Variants in MANBA observed in about 807,000 individuals in gnomAD.
The protein encoded by MANBA is mannosidase beta.
Under a neutral mutation model 111.1 loss-of-function variants are expected in MANBA, and 83 were observed. That is an observed-to-expected ratio of 0.75 (90% CI 0.63 to 0.90). The LOEUF (loss-of-function observed/expected upper bound fraction) is 0.90, where lower values mean the gene tolerates loss of function less well. Ranked by LOEUF, MANBA falls within the 40% of genes least tolerant of loss-of-function variation. The pLI is 0.00. For synonymous variants in MANBA, 370 were observed against 378.7 expected (o/e 0.98, Z 0.27); for missense variants, 1,036 against 1,069.0 (o/e 0.97, Z 0.43).
intron 16 of MANBA, chr4:102,633,484 G>T: frequency 2.5e-6 from 1 of 398,520 alleles, no homozygotes; most frequent in Non-Finnish European, 4.4e-6. Context: ...CTGGCTTCAG[G>T]GAGACAGGGA....
intron 1 of MANBA, chr4:102,728,461 T>C (rs1722895198): frequency 2.4e-6 from 1 of 410,228 alleles, no homozygotes; most frequent in South Asian, 1.9e-5. Flanking sequence ...ACTCTTTGTA[T>C]GGTTTTTCGG....
At chr4:102,752,680 A>C in intron 1 of MANBA, 2 of 503,804 alleles carry the variant, frequency 4.0e-6, no homozygotes, top group Non-Finnish European at 8.0e-6. Context: ...TCTTTATACA[A>C]ATGAACTTGG....
intron 1 of MANBA, among the ~76,000 whole-genome samples, chr4:102,732,010 C>T (rs987595653): frequency 1.3e-5 from 2 of 152,012 alleles, no homozygotes; most frequent in Non-Finnish European, 2.9e-5. Context: ...CAGGTTCAAG[C>T]GATTCTCCTG....
chr4:102,724,096 C>T, intron 2 of MANBA, 129 bp from the exon 3 acceptor site: 4 of 651,628 alleles, frequency 6.1e-6, no homozygotes, highest in Non-Finnish European at 1.1e-5. Flanking sequence ...AAGGCAGTTT[C>T]CAGTGACATT....
At chr4:102,690,498 T>C (rs1398497223) in intron 6 of MANBA, 98 bp downstream of exon 6, 5 of 1,150,020 alleles carry the variant, frequency 4.3e-6, no homozygotes, top group South Asian at 3.9e-5. Context: ...GCAGAGAAAG[T>C]AGAATTTTCT....
rs904711750 is a variant in MANBA, at chr4:102,721,422, T to A, written c.549+1449A>T. 3.9e-5 allele frequency among the ~76,000 whole-genome samples: 6 copies of A among 152,286 alleles called. No homozygotes were observed. In the South Asian group the frequency reaches 1.0e-3, roughly 26 times the overall value. Reference sequence around the variant, plus strand: ...GATCCAACCATACTATTTCTGGGAATATATCCAAAAGAACTGAAAGAAGGG... The same window carrying A: ...GATCCAACCATACTATTTCTGGGAAAATATCCAAAAGAACTGAAAGAAGGG... On this transcript the variant is annotated intron_variant, in intron 4 of 16. Coordinates refer to ENST00000647097, the MANE Select transcript of MANBA (RefSeq NM_005908.4).
intron 11 of MANBA, chr4:102,662,768 AC>A (rs1029799998): frequency 1.3e-5 from 2 of 155,558 alleles, no homozygotes; most frequent in Non-Finnish European, 2.9e-5. Context: ...TGCCCCACAA[AC>A]GTTAATGTGG....
At chr4:102,680,334 T>C (rs990975649) in intron 7 of MANBA, among the ~76,000 whole-genome samples, 2 of 152,176 alleles carry the variant, frequency 1.3e-5, no homozygotes, top group Non-Finnish European at 2.9e-5. Flanking sequence ...CATCTAAAAC[T>C]ATACCAGAAA....
At chr4:102,703,342 T>C (rs981427537) in intron 5 of MANBA, among the ~76,000 whole-genome samples, 2 of 152,242 alleles carry the variant, frequency 1.3e-5, no homozygotes, top group Non-Finnish European at 2.9e-5. Context: ...GCTGTTCTTA[T>C]TCATTCCTGG....
intron 1 of MANBA, among the ~76,000 whole-genome samples, chr4:102,741,427 CCA>C (rs1723400292): frequency 6.6e-6 from 1 of 152,100 alleles, no homozygotes; most frequent in African/African-American, 2.4e-5. Flanking sequence ...TCCAGCAATC[CCA>C]CTACTGGGTA....
intron 12 of MANBA, among the ~76,000 whole-genome samples, chr4:102,655,200 C>T (rs780555730): frequency 1.4e-4 from 21 of 152,118 alleles, no homozygotes; most frequent in Non-Finnish European, 2.4e-4. Context: ...ATCCCATGTT[C>T]ATGCATCAGA....
At chr4:102,636,287 T>C (rs1310678085) in intron 14 of MANBA, among the ~76,000 whole-genome samples, 1 of 152,202 alleles carries the variant, frequency 6.6e-6, no homozygotes, top group African/African-American at 2.4e-5. Context: ...TAGAGTGTAC[T>C]TAAACAAACC....
rs1723839478 is a variant in MANBA, at chr4:102,752,334, T to C, written c.177+8384A>G. ...AACGTTTAGCATCTGGAAGCACAGA[T>C]AGGCATACCAGACTGTGGGATCCCC... On this transcript the variant is annotated intron_variant, in intron 1 of 16. Transcript: ENST00000647097. 19 of 1,361,866 alleles carry C rather than the reference T, an allele frequency of 1.4e-5. No individual in the cohort carries two copies. In the South Asian group the frequency reaches 1.7e-4, roughly 13 times the overall value. 84.4% of individuals were successfully genotyped at this position (1,361,866 alleles called of 1,614,324 possible).
chr4:102,631,940 G>T lies in MANBA; in HGVS notation c.*117C>A, dbSNP rs560380422. On this transcript the variant is annotated 3_prime_UTR_variant, in exon 17 of 17. Coordinates refer to ENST00000647097, the MANE Select transcript of MANBA (RefSeq NM_005908.4). Reference sequence around the variant, plus strand: ...TCACAGAGCAATCGCTCAAATGCGTGGCAGCACGCAGACATGTCTCTCGGC... The same window carrying T: ...TCACAGAGCAATCGCTCAAATGCGTTGCAGCACGCAGACATGTCTCTCGGC... 1.2e-4 allele frequency: 105 copies of T among 886,260 alleles called. 1 individual carries two copies. The South Asian group carries it at 1.4e-3, about 12-fold the overall frequency. 54.9% of individuals were successfully genotyped at this position (886,260 alleles called of 1,614,324 possible).
At chr4:102,731,336 C>T (rs1439489239) in intron 1 of MANBA, among the ~76,000 whole-genome samples, 1 of 152,182 alleles carries the variant, frequency 6.6e-6, no homozygotes, top group Non-Finnish European at 1.5e-5. Context: ...ACTATCCCAG[C>T]CAGCCTCCAG....
intron 11 of MANBA, among the ~76,000 whole-genome samples, chr4:102,660,601 A>C (rs1309633185): frequency 6.6e-6 from 1 of 151,748 alleles, no homozygotes; most frequent in Non-Finnish European, 1.5e-5. Context: ...GACTACAGGC[A>C]CATGTCACTA....
intron 12 of MANBA, 61 bp from the exon 13 acceptor site, chr4:102,650,762 A>C (rs1056762103): frequency 3.6e-6 from 5 of 1,378,204 alleles, no homozygotes; most frequent in Non-Finnish European, 5.1e-6. Context: ...ACTTTTCTAT[A>C]AGTTCCTGAC....
intron 4 of MANBA, among the ~76,000 whole-genome samples, chr4:102,721,227 G>A (rs1362683460): frequency 6.6e-6 from 1 of 152,102 alleles, no homozygotes; most frequent in Non-Finnish European, 1.5e-5. Flanking sequence ...AGGGGGCTGA[G>A]GCAAGAGAAT....
chr4:102,671,388 G>T lies in MANBA; in HGVS notation c.1123C>A (p.Leu375Ile). ...DRVTSELLRL[L>I]LQSVVDANMN... ...TTAGCATCCACAACAGACTGTAAAAGGAGCCGTAACCTGTAGAAGACATTT... is the reference window on the plus strand; with the variant it reads ...TTAGCATCCACAACAGACTGTAAAATGAGCCGTAACCTGTAGAAGACATTT... Residue 375 changes from leucine to isoleucine, a missense_variant, in exon 9 of 17, where the codon CTT becomes ATT. Transcript: ENST00000647097. The T allele has an allele frequency of 6.3e-7, 1 of 1,595,744 alleles. No homozygotes were observed. The highest frequency in any genetic ancestry group is 2.2e-5 in the East Asian group (1 of 44,716).
Sources: gnomAD v4.1 joint callset for allele counts (sites outside exome capture counted in the v4.1 genomes callset) on GRCh38, gnomAD v4.1.1 for gene constraint, MANE v1.5 for transcripts, NCBI Gene and HGNC (gene_info 2026-07-23, HGNC 2026-07-21) for gene names.